Variants in PTPRT observed in about 807,000 individuals in gnomAD.
PTPRT encodes the protein protein tyrosine phosphatase receptor type T.
In PTPRT, 56 loss-of-function variants were observed where a neutral mutation model predicts 176.8. That is an observed-to-expected ratio of 0.32 (90% CI 0.26 to 0.40). PTPRT has a LOEUF of 0.40. Among genes scored for constraint, PTPRT ranks in the 10% least tolerant of loss-of-function variants. The pLI, the probability that PTPRT is intolerant of heterozygous loss-of-function variation, is 1.00. For synonymous variants in PTPRT, 783 were observed against 739.0 expected (o/e 1.06, Z -0.96); for missense variants, 1,540 against 1,908.2 (o/e 0.81, Z 3.60).
intron 1 of PTPRT, among the ~76,000 whole-genome samples, chr20:43,156,982 T>C (rs114501184): frequency 6.6e-6 from 1 of 152,020 alleles, no homozygotes; most frequent in Non-Finnish European, 1.5e-5. Flanking sequence ...TGCCCCTTCA[T>C]CCATGCATTC....
intron 16 of PTPRT, among the ~76,000 whole-genome samples, chr20:42,191,958 A>G (rs1016043266): frequency 1.3e-5 from 2 of 152,126 alleles, no homozygotes; most frequent in African/African-American, 2.4e-5. Flanking sequence ...AACTGTCATT[A>G]TGTACTGATC....
At chr20:42,349,471 G>A (rs946948216) in intron 11 of PTPRT, among the ~76,000 whole-genome samples, 3 of 152,134 alleles carry the variant, frequency 2.0e-5, no homozygotes, top group Non-Finnish European at 4.4e-5. Context: ...ACGACACACT[G>A]TACTGTAATT....
chr20:43,185,700 G>A (rs547798965), intron 1 of PTPRT, among the ~76,000 whole-genome samples: 1 of 152,256 alleles, frequency 6.6e-6, no homozygotes, highest in Admixed American at 6.5e-5. Context: ...TTGGGAGGCC[G>A]AGGTAGGCAC....
chr20:42,081,703 A>T (rs1171110687), intron 30 of PTPRT, among the ~76,000 whole-genome samples, 179 bp downstream of exon 30: 7 of 152,210 alleles, frequency 4.6e-5, no homozygotes, highest in Non-Finnish European at 8.8e-5. Flanking sequence ...AAGAAAGAAA[A>T]GTTGGGGAGG....
intron 1 of PTPRT, among the ~76,000 whole-genome samples, chr20:42,909,504 G>T (rs962830895): frequency 6.6e-6 from 1 of 152,206 alleles, no homozygotes; most frequent in Non-Finnish European, 1.5e-5. Flanking sequence ...GGCCTTGGAA[G>T]GGTAACACAA....
intron 7 of PTPRT, among the ~76,000 whole-genome samples, chr20:42,558,638 C>T (rs531336573): frequency 6.6e-5 from 10 of 152,176 alleles, no homozygotes; most frequent in East Asian, 5.8e-4. Context: ...TGGACTCACA[C>T]GGCACAGAGG....
At chr20:42,701,384 C>T (rs1037758748) in intron 6 of PTPRT, among the ~76,000 whole-genome samples, 8 of 152,104 alleles carry the variant, frequency 5.3e-5, no homozygotes, top group East Asian at 1.9e-4. Flanking sequence ...TAGGTGCTAC[C>T]GTGGGATGCT....
intron 7 of PTPRT, among the ~76,000 whole-genome samples, chr20:42,539,202 G>A (rs2072532622): frequency 6.6e-6 from 1 of 152,106 alleles, no homozygotes; most frequent in African/African-American, 2.4e-5. Context: ...CAGACTAGGC[G>A]TGGGGCTGAG....
rs530251446 is a variant in PTPRT at position 42,879,473 on chromosome 20, C to T, written c.214+6334G>A. Among the ~76,000 whole-genome samples the T allele has an allele frequency of 3.3e-5, 5 of 152,272 alleles. No individual in the cohort carries two copies. In the South Asian group the frequency reaches 1.0e-3, roughly 32 times the overall value. ...TTGGGTTAGAACCCAATATGACCAGCCTGACCTCATCCTAATTTGATCATT... is the reference window on the plus strand; with the variant it reads ...TTGGGTTAGAACCCAATATGACCAGTCTGACCTCATCCTAATTTGATCATT... On this transcript the variant is annotated intron_variant, in intron 2 of 30. Coordinates refer to ENST00000373187, the MANE Select transcript of PTPRT (RefSeq NM_007050.6).
intron 7 of PTPRT, among the ~76,000 whole-genome samples, chr20:42,532,152 A>G (rs2072395544): frequency 6.6e-6 from 1 of 152,066 alleles, no homozygotes; most frequent in Non-Finnish European, 1.5e-5. Context: ...AGACCCTTGG[A>G]AGAAGTGTGT....
chr20:42,815,599 T>C (rs760478685), intron 2 of PTPRT, among the ~76,000 whole-genome samples: 1 of 152,126 alleles, frequency 6.6e-6, no homozygotes, highest in Non-Finnish European at 1.5e-5. Flanking sequence ...TAAGATAAAA[T>C]TAAAAAGGTA....
At chr20:42,555,418 G>A (rs778452555) in intron 7 of PTPRT, among the ~76,000 whole-genome samples, 4 of 152,144 alleles carry the variant, frequency 2.6e-5, no homozygotes, top group Non-Finnish European at 5.9e-5. Flanking sequence ...AAACCATACA[G>A]AACGATAATA....
At chr20:42,465,315 C>T (rs2071085840) in intron 8 of PTPRT, among the ~76,000 whole-genome samples, 1 of 151,986 alleles carries the variant, frequency 6.6e-6, no homozygotes, top group Admixed American at 6.6e-5. Flanking sequence ...AAGAATTTAC[C>T]CTAAAGATAC....
chr20:42,508,520 C>CA (rs1378977068), intron 7 of PTPRT, among the ~76,000 whole-genome samples: 3 of 151,996 alleles, frequency 2.0e-5, no homozygotes, highest in African/African-American at 2.4e-5. Context: ...TTACATTTAA[C>CA]AAAAAATAGA....
chr20:42,132,881 C>A (rs557962789), intron 18 of PTPRT, among the ~76,000 whole-genome samples: 1 of 152,332 alleles, frequency 6.6e-6, no homozygotes, highest in African/African-American at 2.4e-5. Context: ...ATGTTTATAG[C>A]AGCTTTACTT....
At chr20:42,869,888 C>T (rs535584690) in intron 2 of PTPRT, among the ~76,000 whole-genome samples, 1 of 152,250 alleles carries the variant, frequency 6.6e-6, no homozygotes, top group African/African-American at 2.4e-5. Context: ...GGTCAGAGCC[C>T]TCATGAATGG....
At chr20:42,626,624 G>GC (rs1167954509) in intron 7 of PTPRT, among the ~76,000 whole-genome samples, 3 of 152,100 alleles carry the variant, frequency 2.0e-5, no homozygotes, top group Non-Finnish European at 4.4e-5. Flanking sequence ...CTCTTTAGTT[G>GC]CAAGATTCCA....
chr20:43,020,420 T>C (rs1985617873), intron 1 of PTPRT, among the ~76,000 whole-genome samples: 1 of 152,042 alleles, frequency 6.6e-6, no homozygotes, highest in Admixed American at 6.6e-5. Flanking sequence ...CAACAGTGCA[T>C]GCATCAGGGA....
At chr20:42,694,059 G>A (rs1341402372) in intron 6 of PTPRT, among the ~76,000 whole-genome samples, 1 of 132,422 alleles carries the variant, frequency 7.6e-6, no homozygotes, top group Non-Finnish European at 1.6e-5. Flanking sequence ...TTTTTTTTGA[G>A]CCAGAGTCTC....
Sources: gnomAD v4.1 joint callset for allele counts (sites outside exome capture counted in the v4.1 genomes callset) on GRCh38, gnomAD v4.1.1 for gene constraint, MANE v1.5 for transcripts, NCBI Gene and HGNC (gene_info 2026-07-23, HGNC 2026-07-21) for gene names.